ASF1A: variants seen among roughly 807,000 people sequenced by gnomAD.
ASF1A encodes histone chaperone ASF1A.
ASF1A carries 5 observed loss-of-function variants against 22.0 expected under a neutral mutation model. The observed-to-expected ratio is 0.23, with a 90% CI of 0.12 to 0.48. ASF1A has a LOEUF of 0.48. ASF1A is among the 20% of genes least tolerant of loss of function. ASF1A has a pLI of 0.99. For missense variants in ASF1A, 137 were observed against 240.6 expected (o/e 0.57, Z 2.85); for synonymous variants, 97 against 86.7 (o/e 1.12, Z -0.66).
chr6:118,907,002 G>C (rs1327143767), intron 3 of ASF1A, among the ~76,000 whole-genome samples: 1 of 152,140 alleles, frequency 6.6e-6, no homozygotes, highest in African/African-American at 2.4e-5. Flanking sequence ...TTAATAATAA[G>C]TTGTATTTGA....
At chr6:118,896,231 G>A (rs1189577502) in intron 1 of ASF1A, among the ~76,000 whole-genome samples, 1 of 151,914 alleles carries the variant, frequency 6.6e-6, no homozygotes, top group Non-Finnish European at 1.5e-5. Context: ...AAGCATTGCA[G>A]CTACCAGGCC....
At position 118,898,726 on chromosome 6, in the gene ASF1A, T is replaced by C. The variant is rs151027156; in HGVS notation, c.110-2040T>C. 2.8e-3 allele frequency among the ~76,000 whole-genome samples: 426 copies of C among 152,328 alleles called. 2 individuals are homozygous for C. The highest frequency in any genetic ancestry group is 4.8e-3 in the Admixed American group (73 of 15,298). ...AGCCACTGCGCCCAGCCACTCTATG[T>C]GATAATTCTTAGTCTTATCCTCACT... On this transcript the variant is annotated intron_variant, in intron 1 of 3. Transcript: ENST00000229595.
Position 118,898,959 on chromosome 6 carries a change from AG to A in ASF1A, c.110-1806del, listed in dbSNP as rs150724528. On this transcript the variant is annotated intron_variant, in intron 1 of 3. Coordinates refer to ENST00000229595, the MANE Select transcript of ASF1A (RefSeq NM_014034.3). ...TTCCAAATTTTTATCCTGCCTATTC[AG>A]TATCTCTGCTTAGAAGCAGACATCT... 6.5e-3 allele frequency among the ~76,000 whole-genome samples: 995 copies of A among 152,244 alleles called. 7 individuals are homozygous for A. Among genetic ancestry groups the A allele is most frequent in the African/African-American group, 0.022 (926 of 41,548 alleles).
chr6:118,907,416 T>G lies in ASF1A; in HGVS notation c.417T>G (p.Ile139Met). Reference sequence around the variant, plus strand: ...TTTTCCTCTAGCTTCAAAGGAATATTTTGGCATCTAATCCCAGGGTCACAA... The same window carrying G: ...TTTTCCTCTAGCTTCAAAGGAATATGTTGGCATCTAATCCCAGGGTCACAA... ...KPDFSKLQRNILASNPRVTRF... is the reference protein window; with the variant it reads ...KPDFSKLQRNMLASNPRVTRF... Residue 139 changes from isoleucine (I) to methionine (M), a missense_variant, in exon 4 of 4, where the codon ATT becomes ATG. By Grantham distance (10) the Ile-to-Met change is conservative. Coordinates refer to ENST00000229595, the MANE Select transcript of ASF1A (RefSeq NM_014034.3). The G allele has an allele frequency of 6.2e-7, 1 of 1,600,634 alleles. No individual in the cohort carries two copies. The highest frequency in any genetic ancestry group is 8.5e-7 in the Non-Finnish European group (1 of 1,172,472).
chr6:118,898,363 GCATT>G (rs1376913733), intron 1 of ASF1A, among the ~76,000 whole-genome samples: 2 of 151,908 alleles, frequency 1.3e-5, no homozygotes, highest in Admixed American at 1.3e-4. Flanking sequence ...AGGATCAAGG[GCATT>G]ATATGTAGTG....
intron 2 of ASF1A, among the ~76,000 whole-genome samples, chr6:118,904,035 T>A (rs1453484624): frequency 6.6e-6 from 1 of 152,196 alleles, no homozygotes; most frequent in African/African-American, 2.4e-5. Flanking sequence ...TGAGATTTTA[T>A]CCCTTAGAAA....
At chr6:118,898,221 A>G (rs1327826870) in intron 1 of ASF1A, among the ~76,000 whole-genome samples, 1 of 152,134 alleles carries the variant, frequency 6.6e-6, no homozygotes. Context: ...CTACATGATG[A>G]AGCTGTTGAG....
intron 3 of ASF1A, 39 bp downstream of exon 3, chr6:118,905,867 T>A: frequency 6.8e-7 from 1 of 1,466,178 alleles, no homozygotes; most frequent in Non-Finnish European, 9.2e-7. Context: ...ACTTTTACTA[T>A]GCAATTTTTA....
Position 118,900,868 on chromosome 6 carries a change from T to G in ASF1A, c.212T>G (p.Met71Arg). The G allele has an allele frequency of 6.2e-7, 1 of 1,610,662 alleles. No individual in the cohort carries two copies. Reference sequence around the variant, plus strand: ...GGTCCTGTTCCCGCAGGAAGGCATATGTTTGTATTTCAGGTAAGATTAATC... The same window carrying G: ...GGTCCTGTTCCCGCAGGAAGGCATAGGTTTGTATTTCAGGTAAGATTAATC... ...LVGPVPAGRHMFVFQADAPNP... is the reference protein window; with the variant it reads ...LVGPVPAGRHRFVFQADAPNP... The change falls in exon 2 of 4, where the codon ATG becomes AGG. Residue 71 changes from methionine to arginine, a missense_variant. Met to Arg is a moderately conservative substitution (Grantham distance 91). Around this residue, in one of 2 missense-constraint regions of ASF1A, gnomAD observed 96 missense variants for 196.7 expected, o/e 0.49. Coordinates refer to ENST00000229595, the MANE Select transcript of ASF1A (RefSeq NM_014034.3).
chr6:118,903,224 C>T (rs1302271132), intron 2 of ASF1A, among the ~76,000 whole-genome samples: 1 of 152,136 alleles, frequency 6.6e-6, no homozygotes, highest in Non-Finnish European at 1.5e-5. Flanking sequence ...CCCATCTCCA[C>T]CCACTTCAGG....
chr6:118,905,769 A>G lies in ASF1A; in HGVS notation c.343A>G (p.Asn115Asp). 6.2e-7 allele frequency: 1 copy of G among 1,613,438 alleles called. No homozygotes were observed. The highest frequency in any genetic ancestry group is 8.5e-7 in the Non-Finnish European group (1 of 1,179,478). The change falls in exon 3 of 4, where the codon AAT becomes GAT. Residue 115 changes from asparagine to aspartate, a missense_variant. Asn to Asp is a conservative substitution (Grantham distance 23). Transcript: ENST00000229595. ...EFIRVGYYVN[N>D]EYTETELREN... ...TATTAGAGTTGGCTATTATGTAAAT[A>G]ATGAATATACTGAGACAGAATTAAG...
intron 2 of ASF1A, among the ~76,000 whole-genome samples, chr6:118,903,125 A>T (rs1474893032): frequency 6.6e-6 from 1 of 152,242 alleles, no homozygotes. Context: ...TAAAACAGAA[A>T]CATGCCTAGA....
intron 1 of ASF1A, among the ~76,000 whole-genome samples, chr6:118,896,817 CTTAAAA>C (rs1375200016): frequency 3.5e-5 from 5 of 143,780 alleles, no homozygotes; most frequent in African/African-American, 1.0e-4. Flanking sequence ...AAATTCTGTT[CTTAAAA>C]TTAAACTATA....
intron 2 of ASF1A, among the ~76,000 whole-genome samples, chr6:118,902,422 T>A (rs556487611): frequency 2.9e-4 from 44 of 152,126 alleles, no homozygotes; most frequent in Non-Finnish European, 5.6e-4. Context: ...GAAATTGTTA[T>A]ATAAAAAAGC....
At chr6:118,902,887 ATAGT>A (rs1433594657) in intron 2 of ASF1A, among the ~76,000 whole-genome samples, 3 of 152,218 alleles carry the variant, frequency 2.0e-5, no homozygotes, top group Non-Finnish European at 4.4e-5. Flanking sequence ...GCCTCTCTAA[ATAGT>A]TAAACATGTC....
chr6:118,898,089 G>A (rs556746070), intron 1 of ASF1A, among the ~76,000 whole-genome samples: 6 of 152,266 alleles, frequency 3.9e-5, no homozygotes, highest in South Asian at 2.1e-4. Flanking sequence ...GAAGAAGCCC[G>A]GGGTTTGTAG....
intron 2 of ASF1A, among the ~76,000 whole-genome samples, chr6:118,902,924 C>G (rs941407949): frequency 6.6e-6 from 1 of 152,186 alleles, no homozygotes; most frequent in Non-Finnish European, 1.5e-5. Context: ...GAGTCAAAGG[C>G]TAGCAGGAAG....
chr6:118,896,101 T>C (rs562594252), intron 1 of ASF1A, among the ~76,000 whole-genome samples: 1 of 151,222 alleles, frequency 6.6e-6, no homozygotes, highest in Non-Finnish European at 1.5e-5. Context: ...ATAGGGCAAA[T>C]TTTGAAAGAT....
rs893080970 is a variant in ASF1A, at chr6:118,908,600, T to C, written c.*986T>C. The C allele has an allele frequency of 1.3e-5, 2 of 152,162 alleles. No homozygotes were observed. The highest frequency in any genetic ancestry group is 2.9e-5 in the Non-Finnish European group (2 of 67,996). The allele number at this position is 152,162 out of a possible 1,614,324, so 9.4% of individuals were successfully genotyped here. On this transcript the variant is annotated 3_prime_UTR_variant, in exon 4 of 4. Coordinates refer to ENST00000229595, the MANE Select transcript of ASF1A (RefSeq NM_014034.3). ...TACTCTTCCCCATTTCCTCTGACAC[T>C]CATGCAGAATGAGATCAGGCATATT... is the stretch of plus-strand genomic sequence containing the variant.
Sources: allele counts gnomAD v4.1 joint callset (sites outside exome capture counted in the v4.1 genomes callset), GRCh38; gene constraint gnomAD v4.1.1; regional missense constraint gnomAD v4.1.1; transcripts MANE v1.5; gene names NCBI Gene and HGNC (gene_info 2026-07-23, HGNC 2026-07-21).